Variants in TBC1D19 observed in about 807,000 individuals in gnomAD.
The protein encoded by TBC1D19 is TBC1 domain family member 19.
A neutral mutation model predicts 89.0 loss-of-function variants in TBC1D19; 60 were observed. The ratio of observed to expected loss-of-function variants is 0.67; its 90% confidence interval spans 0.55 to 0.84. The LOEUF (loss-of-function observed/expected upper bound fraction) is 0.84. TBC1D19 is among the 40% of genes least tolerant of loss of function. The pLI is 0.00. For missense variants in TBC1D19, 500 were observed against 610.8 expected, an observed-to-expected ratio of 0.82 and a Z score of 1.91; for synonymous variants, 189 against 199.7, an observed-to-expected ratio of 0.95 and a Z score of 0.45.
the TBC1D19 span, among the ~76,000 whole-genome samples, chr4:26,796,465 T>C: frequency 3.9e-5 from 6 of 152,324 alleles, no homozygotes; most frequent in Admixed American, 3.3e-4. Flanking sequence ...GTATTTTTTT[T>C]CCCAAAAACT....
At chr4:26,605,333 T>A (rs893724791) in intron 1 of TBC1D19, among the ~76,000 whole-genome samples, 7 of 150,840 alleles carry the variant, frequency 4.6e-5, no homozygotes, top group Non-Finnish European at 7.4e-5. Flanking sequence ...GATAGTTTAC[T>A]GAGAATGATG....
the TBC1D19 span, among the ~76,000 whole-genome samples, chr4:26,821,382 A>G: frequency 2.0e-5 from 3 of 152,218 alleles, no homozygotes; most frequent in Non-Finnish European, 4.4e-5. Flanking sequence ...TACCATTAAC[A>G]TTGTTTTCAA....
intron 7 of TBC1D19, among the ~76,000 whole-genome samples, chr4:26,645,385 A>T (rs1743846596): frequency 6.6e-6 from 1 of 152,218 alleles, no homozygotes; most frequent in African/African-American, 2.4e-5. Flanking sequence ...GACAAACCTG[A>T]CAAAAACAAG....
chr4:26,847,004 C>T, the TBC1D19 span, among the ~76,000 whole-genome samples: 9 of 152,170 alleles, frequency 5.9e-5, no homozygotes, highest in African/African-American at 2.2e-4. Flanking sequence ...CAGTAACCTG[C>T]CACTTGATCA....
At chr4:26,839,742 C>A in the TBC1D19 span, among the ~76,000 whole-genome samples, 1 of 152,244 alleles carries the variant, frequency 6.6e-6, no homozygotes, top group Non-Finnish European at 1.5e-5. Context: ...TCCTCCTTGC[C>A]AGATCCAATG....
At chr4:26,696,660 C>G (rs1714813358) in intron 13 of TBC1D19, among the ~76,000 whole-genome samples, 1 of 152,200 alleles carries the variant, frequency 6.6e-6, no homozygotes, top group Non-Finnish European at 1.5e-5. Flanking sequence ...CAAACTGTCT[C>G]TCAGACCACA....
chr4:26,817,964 C>A, the TBC1D19 span, among the ~76,000 whole-genome samples: 2 of 90,546 alleles, frequency 2.2e-5, no homozygotes, highest in African/African-American at 7.2e-5. Flanking sequence ...GTGGAAACTC[C>A]ATTTAAAAAA....
chr4:26,840,735 C>A, the TBC1D19 span, among the ~76,000 whole-genome samples: 1 of 152,162 alleles, frequency 6.6e-6, no homozygotes, highest in Non-Finnish European at 1.5e-5. Flanking sequence ...TGGGTTAGTG[C>A]TCTGCAGCTG....
chr4:26,790,296 C>G, the TBC1D19 span, among the ~76,000 whole-genome samples: 1 of 152,110 alleles, frequency 6.6e-6, no homozygotes, highest in Non-Finnish European at 1.5e-5. Context: ...ATAAGAGGAG[C>G]CTTGGCCTCT....
chr4:26,666,588 C>A (rs1711830594), intron 9 of TBC1D19, among the ~76,000 whole-genome samples, 183 bp downstream of exon 9: 1 of 151,934 alleles, frequency 6.6e-6, no homozygotes, highest in Non-Finnish European at 1.5e-5. Context: ...TAGACTTCAA[C>A]TAAATTTTGT....
chr4:26,739,331 A>G (rs1431733918), intron 16 of TBC1D19, among the ~76,000 whole-genome samples: 1 of 152,208 alleles, frequency 6.6e-6, no homozygotes, highest in Non-Finnish European at 1.5e-5. Context: ...ATATAGCGAT[A>G]AAGACCAGTA....
At chr4:26,836,590 C>A in the TBC1D19 span, among the ~76,000 whole-genome samples, 1 of 152,178 alleles carries the variant, frequency 6.6e-6, no homozygotes. Context: ...GGCTCCCTTG[C>A]CAGCTGGGTC....
chr4:26,647,096 A>T (rs1577867171), intron 7 of TBC1D19, among the ~76,000 whole-genome samples: 1 of 152,186 alleles, frequency 6.6e-6, no homozygotes. Context: ...CTGGAAATGG[A>T]AACAATTTGA....
intron 4 of TBC1D19, among the ~76,000 whole-genome samples, chr4:26,627,036 C>T (rs997598692): frequency 6.6e-6 from 1 of 151,860 alleles, no homozygotes; most frequent in African/African-American, 2.4e-5. Flanking sequence ...CTATCCCTCC[C>T]CCCTCCGCCC....
chr4:26,741,092 C>T (rs1718341371), intron 17 of TBC1D19, among the ~76,000 whole-genome samples: 1 of 152,228 alleles, frequency 6.6e-6, no homozygotes, highest in African/African-American at 2.4e-5. Context: ...CGTGGTGGCT[C>T]ACGCCTGTAA....
the TBC1D19 span, among the ~76,000 whole-genome samples, chr4:26,778,315 C>T: frequency 6.6e-6 from 1 of 151,972 alleles, no homozygotes; most frequent in African/African-American, 2.4e-5. Flanking sequence ...ACTCGGGAGG[C>T]TGAGGCAGGA....
At chr4:26,820,221 T>G in the TBC1D19 span, among the ~76,000 whole-genome samples, 1 of 152,182 alleles carries the variant, frequency 6.6e-6, no homozygotes, top group East Asian at 1.9e-4. Context: ...TGTGATACAT[T>G]GTTATTCACT....
chr4:26,837,880 C>T, the TBC1D19 span, among the ~76,000 whole-genome samples: 1 of 152,044 alleles, frequency 6.6e-6, no homozygotes, highest in Admixed American at 6.6e-5. Flanking sequence ...GTTGGTGCTA[C>T]ATAAGCCCAG....
the TBC1D19 span, among the ~76,000 whole-genome samples, chr4:26,804,589 A>G: frequency 6.6e-6 from 1 of 152,182 alleles, no homozygotes; most frequent in African/African-American, 2.4e-5. Context: ...AGAGCCCAGA[A>G]GCGAAAGAGG....
Sources: gnomAD v4.1 joint callset for allele counts (sites outside exome capture counted in the v4.1 genomes callset) on GRCh38, gnomAD v4.1.1 for gene constraint, MANE v1.5 for transcripts, NCBI Gene and HGNC (gene_info 2026-07-23, HGNC 2026-07-21) for gene names.